The following GLI2 variants were observed in gnomAD, a reference collection of about 807,000 sequenced individuals.
GLI2 encodes GLI family zinc finger 2.
Under a neutral mutation model 78.9 loss-of-function variants are expected in GLI2, and 22 were observed. That is an observed-to-expected ratio of 0.28 (90% CI 0.20 to 0.40). The LOEUF (loss-of-function observed/expected upper bound fraction) is 0.40, where lower values mean the gene tolerates loss of function less well. Among genes scored for constraint, GLI2 ranks in the 10% least tolerant of loss-of-function variants. The pLI is 1.00. For missense variants in GLI2, 2,097 were observed against 2,213.2 expected, an observed-to-expected ratio of 0.95 and a Z score of 1.05; for synonymous variants, 974 against 963.7, an observed-to-expected ratio of 1.01 and a Z score of -0.20.
At chr2:120,964,477 T>C (rs1197172227) in intron 5 of GLI2, among the ~76,000 whole-genome samples, 1 of 152,202 alleles carries the variant, frequency 6.6e-6, no homozygotes, top group Admixed American at 6.5e-5. Flanking sequence ...CCCAGAATGA[T>C]CCAAGCAAGT....
At chr2:120,886,826 C>T (rs1573540368) in intron 2 of GLI2, among the ~76,000 whole-genome samples, 1 of 152,194 alleles carries the variant, frequency 6.6e-6, no homozygotes, top group African/African-American at 2.4e-5. Flanking sequence ...GATGGCGGTG[C>T]CCTTGCTGAG....
chr2:120,949,630 G>A (rs988049504), intron 3 of GLI2, among the ~76,000 whole-genome samples: 1 of 152,214 alleles, frequency 6.6e-6, no homozygotes, highest in Non-Finnish European at 1.5e-5. Flanking sequence ...CCACAGTATA[G>A]GGTGCAGGAA....
intron 1 of GLI2, among the ~76,000 whole-genome samples, chr2:120,769,744 C>T (rs1683471171): frequency 2.0e-5 from 3 of 152,100 alleles, no homozygotes; most frequent in South Asian, 2.1e-4. Flanking sequence ...CATTTGCTTG[C>T]GTCTGTATGT....
At chr2:120,939,093 C>G (rs993821742) in intron 3 of GLI2, among the ~76,000 whole-genome samples, 11 of 152,134 alleles carry the variant, frequency 7.2e-5, no homozygotes, top group African/African-American at 2.7e-4. Flanking sequence ...ACCAGCCTGG[C>G]CAACATGGCG....
intron 2 of GLI2, among the ~76,000 whole-genome samples, chr2:120,818,337 C>A (rs999985927): frequency 2.6e-5 from 4 of 152,256 alleles, no homozygotes; most frequent in African/African-American, 9.6e-5. Flanking sequence ...GCATCTGCTT[C>A]TCTAATCAGC....
chr2:120,980,883 A>G (rs1260802132), intron 10 of GLI2, among the ~76,000 whole-genome samples: 1 of 150,986 alleles, frequency 6.6e-6, no homozygotes, highest in Non-Finnish European at 1.5e-5. Flanking sequence ...ATTTGGAGTT[A>G]ATTTTTTTTT....
rs1463210968 is a variant in GLI2, at chr2:120,761,882, T to A, written c.-31+25597T>A. On this transcript the variant is annotated intron_variant, in intron 1 of 13. Coordinates refer to ENST00000361492, the MANE Select transcript of GLI2 (RefSeq NM_001374353.1). The stretch of plus-strand genomic sequence containing the variant: ...AGGCAGTGATTGCTTGTGGGGAGGT[T>A]CTGCACCCTCTTGGTCCTTAGCCAG... Among the ~76,000 whole-genome samples the A allele has an allele frequency of 2.6e-5, 4 of 152,102 alleles. No homozygotes were observed. The East Asian group carries it at 7.7e-4, about 29-fold the overall frequency.
chr2:120,881,812 A>G (rs11693964), intron 2 of GLI2, among the ~76,000 whole-genome samples: 21,326 of 22,026 alleles, frequency 0.97, 10,328 homozygotes, highest in Non-Finnish European at 0.97. Context: ...AGTGGGGGAG[A>G]ACAGTCGTGG....
chr2:120,768,272 C>T (rs1683423462), intron 1 of GLI2, among the ~76,000 whole-genome samples: 4 of 152,138 alleles, frequency 2.6e-5, no homozygotes, highest in Admixed American at 2.6e-4. Context: ...GGTGGGCGGA[C>T]TTATCCCCGT....
At chr2:120,751,926 C>G (rs1332376477) in intron 1 of GLI2, among the ~76,000 whole-genome samples, 4 of 152,062 alleles carry the variant, frequency 2.6e-5, no homozygotes, top group Non-Finnish European at 5.9e-5. Flanking sequence ...TGTAACTACC[C>G]AGGGGAAGGC....
At chr2:120,977,303 G>A (rs192440731) in intron 9 of GLI2, among the ~76,000 whole-genome samples, 251 of 152,316 alleles carry the variant, frequency 1.6e-3, no homozygotes, top group African/African-American at 5.9e-3. Context: ...AGAAACAGGT[G>A]AAGTTAATTT....
intron 2 of GLI2, among the ~76,000 whole-genome samples, chr2:120,896,890 G>A (rs1677996313): frequency 2.0e-5 from 3 of 152,154 alleles, no homozygotes; most frequent in Admixed American, 2.0e-4. Flanking sequence ...TGCATAGTGT[G>A]TAACAGGGCT....
At chr2:120,911,455 C>G (rs1008728617) in intron 2 of GLI2, among the ~76,000 whole-genome samples, 1 of 150,502 alleles carries the variant, frequency 6.6e-6, no homozygotes, top group Non-Finnish European at 1.5e-5. Flanking sequence ...GCGTGGCTGA[C>G]TCCTAGAAAC....
intron 2 of GLI2, among the ~76,000 whole-genome samples, chr2:120,912,395 T>C (rs1558876803): frequency 6.6e-6 from 1 of 151,940 alleles, no homozygotes; most frequent in Non-Finnish European, 1.5e-5. Context: ...GGTTGGGTCA[T>C]GAGACCACAT....
At chr2:120,884,187 C>T (rs779566303) in intron 2 of GLI2, among the ~76,000 whole-genome samples, 10 of 152,186 alleles carry the variant, frequency 6.6e-5, no homozygotes, top group Admixed American at 1.3e-4. Flanking sequence ...CCTTGGGGAG[C>T]AGGATCCAGG....
Position 120,800,498 on chromosome 2 carries a change from T to TATTA in GLI2, c.148+3030_148+3031insATTA, listed in dbSNP as rs1204998426. Among the ~76,000 whole-genome samples, 1 of 144,776 alleles carries TATTA rather than the reference T, an allele frequency of 6.9e-6. No individual in the cohort carries two copies. Among genetic ancestry groups the TATTA allele is most frequent in the African/African-American group, 2.5e-5 (1 of 39,606 alleles). The allele number at this position is 144,776 out of a possible 152,430, so 95.0% of individuals were successfully genotyped here. ...TTTATTATTATTATTATTATTTTAT[T>TATTA]TTTTATTTTTATTTATTTATTTTTT... On this transcript the variant is annotated intron_variant, in intron 2 of 13. Coordinates refer to ENST00000361492, the MANE Select transcript of GLI2 (RefSeq NM_001374353.1). This position sits in a 1 kb window ranked among gnomAD's most constrained non-coding sequence, Gnocchi z 4.1.
At chr2:120,843,860 T>G (rs956497900) in intron 2 of GLI2, among the ~76,000 whole-genome samples, 1 of 152,208 alleles carries the variant, frequency 6.6e-6, no homozygotes, top group Non-Finnish European at 1.5e-5. Flanking sequence ...AGAGACAGGG[T>G]TTCACCATGT....
At chr2:120,798,433 A>C (rs1307967272) in intron 2 of GLI2, among the ~76,000 whole-genome samples, 2 of 152,256 alleles carry the variant, frequency 1.3e-5, no homozygotes, top group Non-Finnish European at 2.9e-5. Context: ...GCCGGAGCCC[A>C]GGAACATGGA....
At chr2:120,799,639 G>T (rs1302411068) in intron 2 of GLI2, among the ~76,000 whole-genome samples, 1 of 152,208 alleles carries the variant, frequency 6.6e-6, no homozygotes, top group South Asian at 2.1e-4. Flanking sequence ...CGCTGGCCTG[G>T]GTCCCAGTTT....
Sources: gnomAD v4.1 joint callset for allele counts (sites outside exome capture counted in the v4.1 genomes callset) on GRCh38, gnomAD v4.1.1 for gene constraint, Gnocchi (gnomAD v3.1) non-coding constraint, MANE v1.5 for transcripts, NCBI Gene and HGNC (gene_info 2026-07-23, HGNC 2026-07-21) for gene names.